PRKCA: variants seen among roughly 807,000 people sequenced by gnomAD.
PRKCA encodes the protein protein kinase C alpha.
PRKCA carries 27 observed loss-of-function variants against 87.0 expected under a neutral mutation model. The ratio of observed to expected loss-of-function variants is 0.31; its 90% CI spans 0.23 to 0.43. The LOEUF (loss-of-function observed/expected upper bound fraction) is 0.43, where lower values mean the gene tolerates loss of function less well. PRKCA is among the 20% of genes least tolerant of loss of function. The probability of loss-of-function intolerance (pLI) is 1.00; values close to 1 mark genes in which losing one functional copy is unlikely to be tolerated. For synonymous variants in PRKCA, 329 were observed against 311.1 expected (o/e 1.06, Z -0.61); for missense variants, 518 against 852.3 (o/e 0.61, Z 4.88).
chr17:66,569,534 A>T (rs1399967931), intron 3 of PRKCA, among the ~76,000 whole-genome samples: 1 of 152,136 alleles, frequency 6.6e-6, no homozygotes. Flanking sequence ...ATGCCACTGC[A>T]CTCCAGCCTG....
intron 2 of PRKCA, among the ~76,000 whole-genome samples, chr17:66,472,355 A>G (rs1915360307): frequency 6.6e-6 from 1 of 152,126 alleles, no homozygotes; most frequent in Admixed American, 6.5e-5. Context: ...TCGCTAGGAA[A>G]AGGAAGTCCT....
chr17:66,711,564 T>C (rs1271066694), intron 8 of PRKCA, among the ~76,000 whole-genome samples: 2 of 152,214 alleles, frequency 1.3e-5, no homozygotes, highest in Non-Finnish European at 2.9e-5. Flanking sequence ...CACTCTCTTC[T>C]GGGAAGCTGG....
intron 5 of PRKCA, among the ~76,000 whole-genome samples, chr17:66,682,730 T>TTC (rs1972525014): frequency 6.9e-6 from 1 of 144,516 alleles, no homozygotes; most frequent in Admixed American, 7.0e-5. Flanking sequence ...TGTTGTTGTT[T>TTC]CCTTATCTTA....
chr17:66,393,494 G>A (rs1024521717), intron 2 of PRKCA, among the ~76,000 whole-genome samples: 3 of 152,180 alleles, frequency 2.0e-5, no homozygotes, highest in African/African-American at 7.2e-5. Context: ...ATGTGTGCTG[G>A]AGAACAGCTC....
At chr17:66,406,207 C>T (rs1187712165) in intron 2 of PRKCA, among the ~76,000 whole-genome samples, 2 of 151,986 alleles carry the variant, frequency 1.3e-5, no homozygotes, top group Non-Finnish European at 2.9e-5. Flanking sequence ...TGATTTCTTG[C>T]TCATTTTAAT....
At chr17:66,533,300 C>G (rs1165551933) in intron 3 of PRKCA, among the ~76,000 whole-genome samples, 1 of 152,136 alleles carries the variant, frequency 6.6e-6, no homozygotes, top group Non-Finnish European at 1.5e-5. Context: ...GAAATGTTTC[C>G]TCTGCTCCTG....
At chr17:66,783,672 T>C (rs141890964) in intron 14 of PRKCA, among the ~76,000 whole-genome samples, 425 of 152,344 alleles carry the variant, frequency 2.8e-3, no homozygotes, top group Non-Finnish European at 5.3e-3. Flanking sequence ...TGCAGCTGCA[T>C]TGACCTAATC....
At chr17:66,710,212 G>C (rs77850933) in intron 8 of PRKCA, among the ~76,000 whole-genome samples, 10,151 of 151,846 alleles carry the variant, frequency 0.067, 375 homozygotes, top group South Asian at 0.14. Context: ...TGCACCTGGG[G>C]TGCCTCCGGA....
At chr17:66,442,198 GC>G (rs1442471312) in intron 2 of PRKCA, among the ~76,000 whole-genome samples, 1 of 151,516 alleles carries the variant, frequency 6.6e-6, no homozygotes, top group African/African-American at 2.4e-5. Context: ...AGTAGCTGGG[GC>G]TACAGGTGCC....
intron 2 of PRKCA, 48 bp downstream of exon 2, chr17:66,306,175 C>G: frequency 1.3e-6 from 2 of 1,513,586 alleles, no homozygotes; most frequent in East Asian, 2.3e-5. Context: ...ATGAAATAAG[C>G]ATTCCAAACA....
rs1460984218 is a variant in PRKCA at position 66,451,211 on chromosome 17, G to A, written c.206-44990G>A. ...AAAGTATCCATGCTGGTCTAGTGAA[G>A]CCACATATTAAATCCTCTTAAAACT... On this transcript the variant is annotated intron_variant, in intron 2 of 16. Coordinates refer to ENST00000413366, the MANE Select transcript of PRKCA (RefSeq NM_002737.3). Among the ~76,000 whole-genome samples the A allele has an allele frequency of 2.6e-5, 4 of 152,288 alleles. No individual in the cohort carries two copies. In the East Asian group the frequency reaches 7.7e-4, roughly 29 times the overall value.
chr17:66,796,857 G>A (rs761026639), intron 16 of PRKCA: 47 of 985,260 alleles, frequency 4.8e-5, no homozygotes, highest in African/African-American at 1.2e-4. Context: ...GTTCCCCTAC[G>A]ATGAAGTACC....
At chr17:66,638,337 A>G (rs891914123) in intron 3 of PRKCA, 1 of 152,090 alleles carries the variant, frequency 6.6e-6, no homozygotes, top group Admixed American at 6.6e-5. Flanking sequence ...TTCCTGTGCA[A>G]GGATCACGTG....
chr17:66,389,111 T>A (rs1248402163), intron 2 of PRKCA, among the ~76,000 whole-genome samples: 1 of 152,160 alleles, frequency 6.6e-6, no homozygotes, highest in African/African-American at 2.4e-5. Context: ...CGCGGCACCT[T>A]CCCACGCAAC....
intron 2 of PRKCA, among the ~76,000 whole-genome samples, chr17:66,390,309 A>T (rs529206323): frequency 3.9e-5 from 6 of 152,314 alleles, no homozygotes; most frequent in South Asian, 4.1e-4. Flanking sequence ...TATAATCATG[A>T]TGTAAACTAA....
intron 8 of PRKCA, among the ~76,000 whole-genome samples, chr17:66,698,819 C>CAAA (rs59309576): frequency 0.16 from 16,096 of 102,398 alleles, 1,203 homozygotes; most frequent in East Asian, 0.27. Flanking sequence ...ACTAAAAATA[C>CAAA]AAAAAAAAAA....
chr17:66,375,081 T>C (rs1909346951), intron 2 of PRKCA, among the ~76,000 whole-genome samples: 2 of 152,052 alleles, frequency 1.3e-5, no homozygotes, highest in Non-Finnish European at 1.5e-5. Flanking sequence ...CTGCATGGTA[T>C]GCAGCCTTGA....
In PRKCA at chr17:66,631,687, ATAACT is replaced by A. The variant is rs1375638955; in HGVS notation, c.289-9664_289-9660del. Among the ~76,000 whole-genome samples the A allele has an allele frequency of 1.8e-4, 27 of 152,344 alleles. No homozygotes were observed. The East Asian group carries it at 3.7e-3, about 21-fold the overall frequency. ...ATCAATAATAACTACACATTTTAAA[ATAACT>A]TAAGGAGCATAATTGGATTGTAACT... On this transcript the variant is annotated intron_variant, in intron 3 of 16. Transcript: ENST00000413366.
intron 2 of PRKCA, among the ~76,000 whole-genome samples, chr17:66,447,555 TAA>T (rs1201466389): frequency 6.6e-6 from 1 of 152,172 alleles, no homozygotes; most frequent in African/African-American, 2.4e-5. Context: ...AGTGAGTTGT[TAA>T]AAGAGCAGGG....
Sources: allele counts gnomAD v4.1 joint callset (sites outside exome capture counted in the v4.1 genomes callset), GRCh38; gene constraint gnomAD v4.1.1; transcripts MANE v1.5; gene names NCBI Gene and HGNC (gene_info 2026-07-23, HGNC 2026-07-21).